Variants in CSMD1 observed in about 807,000 individuals in gnomAD.
The protein encoded by CSMD1 is CUB and sushi domain-containing protein 1.
A neutral mutation model predicts 417.5 loss-of-function variants in CSMD1; 213 were observed. The observed-to-expected ratio is 0.51, with a 90% CI of 0.46 to 0.57. The LOEUF (loss-of-function observed/expected upper bound fraction) is 0.57. Ranked by LOEUF, CSMD1 falls within the 20% of genes least tolerant of loss-of-function variation. CSMD1 has a pLI of 0.00. For synonymous variants in CSMD1, 2,862 were observed against 1,736.8 expected, an observed-to-expected ratio of 1.65 and a Z score of -16.11; for missense variants, 6,923 against 4,529.7, an observed-to-expected ratio of 1.53 and a Z score of -15.17.
At chr8:3,312,962 A>G (rs57411118) in intron 23 of CSMD1, among the ~76,000 whole-genome samples, 1 of 152,206 alleles carries the variant, frequency 6.6e-6, no homozygotes, top group South Asian at 2.1e-4. Context: ...TAAAGACTAG[A>G]ATATAATCAT....
At chr8:4,420,157 T>C in intron 2 of CSMD1, 92 bp from the exon 3 acceptor site, 1 of 776,956 alleles carries the variant, frequency 1.3e-6, no homozygotes, top group East Asian at 2.8e-5. Flanking sequence ...ACTTGAACAG[T>C]GGTATATTCA....
At chr8:3,329,131 G>C (rs1336216423) in intron 23 of CSMD1, among the ~76,000 whole-genome samples, 1 of 152,174 alleles carries the variant, frequency 6.6e-6, no homozygotes, top group Non-Finnish European at 1.5e-5. Context: ...GGAGGTGGAA[G>C]ATATGTAATT....
At chr8:3,196,199 A>T (rs1436491935) in intron 33 of CSMD1, among the ~76,000 whole-genome samples, 1 of 152,204 alleles carries the variant, frequency 6.6e-6, no homozygotes, top group Non-Finnish European at 1.5e-5. Flanking sequence ...CAGCACGATG[A>T]CAGTTTACAA....
chr8:3,249,598 A>G (rs1800123207), intron 26 of CSMD1, among the ~76,000 whole-genome samples: 1 of 150,308 alleles, frequency 6.7e-6, no homozygotes, highest in Non-Finnish European at 1.5e-5. Flanking sequence ...AATCGTATAA[A>G]TACACACACA....
chr8:4,943,509 G>GAAATAAAATA (rs71209140), intron 1 of CSMD1, among the ~76,000 whole-genome samples: 1 of 147,420 alleles, frequency 6.8e-6, no homozygotes, highest in South Asian at 2.1e-4. Context: ...AAAATAAAAT[G>GAAATAAAATA]AAATAAAATA....
intron 23 of CSMD1, among the ~76,000 whole-genome samples, chr8:3,322,755 C>T (rs186077260): frequency 0.046 from 7,018 of 152,218 alleles, 358 homozygotes; most frequent in East Asian, 0.21. Context: ...CACGAGTACC[C>T]GTACTTAACC....
In CSMD1 at chr8:3,575,051, G is replaced by T. The variant is rs374217218; in HGVS notation, c.1238C>A (p.Ser413Tyr). ...RPICRARTCG[S>Y]NLRGPSGVIT... Reference sequence around the variant, plus strand: ...GACGCCGCTGGGCCCACGCAGATTGGATCCACATGTTCTCGCTGGAAACAC... The same window carrying T: ...GACGCCGCTGGGCCCACGCAGATTGTATCCACATGTTCTCGCTGGAAACAC... The change falls in exon 10 of 70, where the codon TCC becomes TAC. Residue 413 changes from serine (S) to tyrosine (Y), a missense_variant. Transcript: ENST00000635120. 6 of 1,612,832 alleles carry T rather than the reference G, an allele frequency of 3.7e-6. No homozygotes were observed. The highest frequency in any genetic ancestry group is 4.2e-6 in the Non-Finnish European group (5 of 1,179,440).
At chr8:4,109,157 A>G (rs556967696) in intron 3 of CSMD1, among the ~76,000 whole-genome samples, 6 of 152,284 alleles carry the variant, frequency 3.9e-5, no homozygotes, top group Admixed American at 1.3e-4. Context: ...TGCTATGTAA[A>G]TAGTGTTATG....
chr8:4,311,751 A>G (rs550415421), intron 3 of CSMD1, among the ~76,000 whole-genome samples: 323 of 151,504 alleles, frequency 2.1e-3, no homozygotes, highest in African/African-American at 7.2e-3. Flanking sequence ...GTAGAATCTA[A>G]ATTATGAGAG....
At chr8:4,568,750 G>C (rs12545728) in intron 2 of CSMD1, among the ~76,000 whole-genome samples, 1 of 151,872 alleles carries the variant, frequency 6.6e-6, no homozygotes, top group African/African-American at 2.4e-5. Flanking sequence ...GTGTAAAAGC[G>C]CTCCTAATTC....
At chr8:3,556,552 C>CACACACACACACACCCT (rs1554468421) in intron 10 of CSMD1, among the ~76,000 whole-genome samples, 4 of 139,738 alleles carry the variant, frequency 2.9e-5, no homozygotes, top group African/African-American at 1.1e-4. Context: ...ACACACACAC[C>CACACACACACACACCCT]CTCTCTCTCT....
intron 10 of CSMD1, among the ~76,000 whole-genome samples, chr8:3,504,236 T>C (rs1414602749): frequency 7.7e-6 from 1 of 129,076 alleles, no homozygotes; most frequent in Non-Finnish European, 1.6e-5. Context: ...TATGTATTAA[T>C]TAACAATTTC....
chr8:4,158,236 G>A (rs1796946401), intron 3 of CSMD1, among the ~76,000 whole-genome samples: 1 of 151,940 alleles, frequency 6.6e-6, no homozygotes, highest in Admixed American at 6.6e-5. Flanking sequence ...CTAGGACGGA[G>A]GATCATGCCC....
intron 12 of CSMD1, among the ~76,000 whole-genome samples, chr8:3,462,187 G>A (rs1043163556): frequency 9.9e-5 from 15 of 152,104 alleles, no homozygotes; most frequent in Admixed American, 4.6e-4. Context: ...ATCATCCCAA[G>A]CAGTGTTCTG....
chr8:4,102,943 G>A (rs562238689), intron 3 of CSMD1, among the ~76,000 whole-genome samples: 2 of 152,090 alleles, frequency 1.3e-5, no homozygotes, highest in Non-Finnish European at 2.9e-5. Context: ...AAAAATAAGT[G>A]ACAAATTCCC....
At chr8:3,849,820 T>TC (rs1265488625) in intron 5 of CSMD1, among the ~76,000 whole-genome samples, 3 of 129,484 alleles carry the variant, frequency 2.3e-5, no homozygotes, top group African/African-American at 1.1e-4. Context: ...TTTTTTTGTT[T>TC]GGTTTTTGTT....
At chr8:4,677,291 T>A (rs1362902554) in intron 1 of CSMD1, among the ~76,000 whole-genome samples, 3 of 151,834 alleles carry the variant, frequency 2.0e-5, no homozygotes, top group Non-Finnish European at 2.9e-5. Flanking sequence ...AGTTAGAAAT[T>A]AAAGTGAAGA....
intron 1 of CSMD1, among the ~76,000 whole-genome samples, chr8:4,863,414 G>T (rs527572829): frequency 6.6e-6 from 1 of 152,038 alleles, no homozygotes; most frequent in Non-Finnish European, 1.5e-5. Context: ...CCCTCCCCAT[G>T]AGACTCAATA....
chr8:4,171,520 C>A (rs564950462), intron 3 of CSMD1, among the ~76,000 whole-genome samples: 1 of 151,902 alleles, frequency 6.6e-6, no homozygotes, highest in East Asian at 1.9e-4. Context: ...TCTACAGTTT[C>A]TTTAGTTGAC....
Sources: gnomAD v4.1 joint callset for allele counts (sites outside exome capture counted in the v4.1 genomes callset) on GRCh38, gnomAD v4.1.1 for gene constraint, MANE v1.5 for transcripts, NCBI Gene and HGNC (gene_info 2026-07-23, HGNC 2026-07-21) for gene names.